The following FKBP5 variants were observed in gnomAD, a reference collection of about 807,000 sequenced individuals.
FKBP5 encodes the protein FKBP prolyl isomerase 5.
In FKBP5, 23 loss-of-function variants were observed where a neutral mutation model predicts 50.5. The ratio of observed to expected loss-of-function variants is 0.46; its 90% CI spans 0.33 to 0.65. FKBP5 has a LOEUF of 0.65. Ranked by LOEUF, FKBP5 falls within the 30% of genes least tolerant of loss-of-function variation. The probability of loss-of-function intolerance (pLI) is 0.02; values close to 1 mark genes in which losing one functional copy is unlikely to be tolerated. For missense variants in FKBP5, 411 were observed against 553.1 expected (o/e 0.74, Z 2.58); for synonymous variants, 176 against 190.6 (o/e 0.92, Z 0.63).
intron 3 of FKBP5, among the ~76,000 whole-genome samples, chr6:35,627,928 ATTTTTTTT>A (rs35468991): frequency 9.2e-6 from 1 of 108,474 alleles, no homozygotes; most frequent in African/African-American, 3.7e-5. Flanking sequence ...TGCCCAGCTA[ATTTTTTTT>A]TTTTTTTTTT....
intron 3 of FKBP5, among the ~76,000 whole-genome samples, chr6:35,622,519 A>C (rs992157395): frequency 8.5e-5 from 13 of 152,258 alleles, no homozygotes; most frequent in African/African-American, 2.9e-4. Context: ...TCTTAAAAAA[A>C]AAAAAAAATC....
chr6:35,580,218 C>T lies in FKBP5; in HGVS notation c.844G>A (p.Gly282Ser). 5.6e-6 allele frequency: 9 copies of T among 1,610,424 alleles called. No individual in the cohort carries two copies. Among genetic ancestry groups the T allele is most frequent in the Non-Finnish European group, 7.6e-6 (9 of 1,177,676 alleles). Reference protein sequence around the residue: ...KEKGTVYFKGGKYMQAVIQYG... With the variant: ...KEKGTVYFKGSKYMQAVIQYG... ...TGAATCACCGCCTGCATGTATTTGC[C>T]TCCCTAGGATAAAAAAGCGTCATTA... The change falls in exon 9 of 11, where the codon GGC (glycine) becomes AGC (serine). Residue 282 changes from glycine to serine, a missense_variant. By Grantham distance (56) the Gly-to-Ser change is moderately conservative. Around this residue, in one of 3 missense-constraint regions of FKBP5, gnomAD observed 267 missense variants for 405.9 expected, o/e 0.66. Transcript: ENST00000357266.
At chr6:35,638,173 T>C (rs1305350040) in intron 2 of FKBP5, among the ~76,000 whole-genome samples, 1 of 152,336 alleles carries the variant, frequency 6.6e-6, no homozygotes, top group East Asian at 1.9e-4. Context: ...AGGTGTGTGA[T>C]GGTGTAATTT....
At chr6:35,585,391 AC>A in intron 8 of FKBP5, 1 of 983,842 alleles carries the variant, frequency 1.0e-6, no homozygotes, top group Non-Finnish European at 1.2e-6. Flanking sequence ...TAAAAACAAA[AC>A]AAAACCAAAA....
At chr6:35,615,763 T>C (rs2150975142) in intron 5 of FKBP5, among the ~76,000 whole-genome samples, 1 of 152,282 alleles carries the variant, frequency 6.6e-6, no homozygotes, top group African/African-American at 2.4e-5. Context: ...CAAAACAAGA[T>C]AGTACTTCAC....
chr6:35,586,108 CCTCT>C (rs1762590127), intron 8 of FKBP5: 2 of 984,968 alleles, frequency 2.0e-6, no homozygotes, highest in Non-Finnish European at 2.4e-6. Context: ...TCCCATTCTC[CCTCT>C]AATTCTCATC....
intron 2 of FKBP5, among the ~76,000 whole-genome samples, chr6:35,700,800 A>C (rs1210873774): frequency 6.6e-6 from 1 of 152,082 alleles, no homozygotes; most frequent in Non-Finnish European, 1.5e-5. Flanking sequence ...TCTACTAAAA[A>C]TACAACAAAT....
At chr6:35,722,120 A>G (rs1283220289) in intron 1 of FKBP5, among the ~76,000 whole-genome samples, 1 of 151,614 alleles carries the variant, frequency 6.6e-6, no homozygotes, top group Non-Finnish European at 1.5e-5. Flanking sequence ...TCGCATCCCT[A>G]TTCATTTTCT....
At chr6:35,643,118 A>G (rs1461348401) in intron 1 of FKBP5, among the ~76,000 whole-genome samples, 2 of 152,218 alleles carry the variant, frequency 1.3e-5, no homozygotes, top group Non-Finnish European at 2.9e-5. Context: ...ATTCCTTAAC[A>G]TAACATGGTG....
intron 8 of FKBP5, chr6:35,583,802 C>A: frequency 1.0e-6 from 1 of 985,320 alleles, no homozygotes; most frequent in Non-Finnish European, 1.2e-6. Flanking sequence ...AGGGTGGACT[C>A]TTCTTAGGAA....
intron 1 of FKBP5, among the ~76,000 whole-genome samples, chr6:35,662,656 T>C (rs746873762): frequency 2.6e-5 from 4 of 152,120 alleles, no homozygotes; most frequent in Non-Finnish European, 5.9e-5. Flanking sequence ...AGTAAGTATA[T>C]ATAAATATAT....
At chr6:35,692,809 GAA>G (rs1381255496), upstream of FKBP5, among the ~76,000 whole-genome samples, 1 of 116,578 alleles carries the variant, frequency 8.6e-6, no homozygotes, top group African/African-American at 3.1e-5. Context: ...AAAAAAAAAA[GAA>G]GAGAATACAC....
At chr6:35,640,162 C>G (rs1311391161) in intron 2 of FKBP5, among the ~76,000 whole-genome samples, 1 of 152,192 alleles carries the variant, frequency 6.6e-6, no homozygotes, top group East Asian at 1.9e-4. Flanking sequence ...GAAATGTGTT[C>G]TTAGATGATT....
At chr6:35,592,418 C>G (rs181389927) in intron 6 of FKBP5, among the ~76,000 whole-genome samples, 1 of 152,142 alleles carries the variant, frequency 6.6e-6, no homozygotes, top group East Asian at 1.9e-4. Context: ...AATAGAGATA[C>G]GAGAGCTGGT....
chr6:35,635,485 A>T (rs1042220018), intron 3 of FKBP5, among the ~76,000 whole-genome samples: 6 of 152,164 alleles, frequency 3.9e-5, no homozygotes, highest in African/African-American at 1.4e-4. Flanking sequence ...ATTTAGTAAA[A>T]ATCATACTTA....
intron 3 of FKBP5, among the ~76,000 whole-genome samples, chr6:35,632,618 G>A (rs376320961): frequency 3.3e-5 from 5 of 152,106 alleles, no homozygotes; most frequent in Middle Eastern, 3.4e-3. Context: ...AGCCAGGCGC[G>A]GTAGCTCATG....
intron 1 of FKBP5, among the ~76,000 whole-genome samples, chr6:35,662,449 AT>A (rs11333201): frequency 0.34 from 46,098 of 135,806 alleles, 7,272 homozygotes; most frequent in African/African-American, 0.43. Context: ...TAATTTTTTA[AT>A]TTTTTTTTTT....
At chr6:35,664,130 C>G (rs1765150860) in intron 1 of FKBP5, among the ~76,000 whole-genome samples, 1 of 152,164 alleles carries the variant, frequency 6.6e-6, no homozygotes, top group Non-Finnish European at 1.5e-5. Flanking sequence ...CTGACAAGCA[C>G]TAAGCCAGCA....
At position 35,712,559 on chromosome 6, in the gene FKBP5, G is replaced by T. The variant is rs116865326; in HGVS notation, c.-20+7769C>A. On this transcript the variant is annotated intron_variant, in intron 2 of 11. Transcript: ENST00000536438. ...GGCCCAGGCTTTGTTTTGTAAGCCA[G>T]TTCTCTCACTACCTGCCCCTTCACA... Among the ~76,000 whole-genome samples, 84 of 152,296 alleles carry T rather than the reference G, an allele frequency of 5.5e-4. 2 individuals carry two copies. The East Asian group carries it at 0.015, about 27-fold the overall frequency.
Sources: allele counts gnomAD v4.1 joint callset (sites outside exome capture counted in the v4.1 genomes callset), GRCh38; gene constraint gnomAD v4.1.1; regional missense constraint gnomAD v4.1.1; transcripts MANE v1.5; gene names NCBI Gene and HGNC (gene_info 2026-07-23, HGNC 2026-07-21).